Variants in DYNAP observed in about 807,000 individuals in gnomAD.
DYNAP encodes dynactin-associated protein.
DYNAP carries 7 observed loss-of-function variants against 8.5 expected under a neutral mutation model. The observed-to-expected ratio is 0.82, with a 90% confidence interval of 0.47 to 1.54. DYNAP has a LOEUF of 1.54. Ranked by LOEUF, DYNAP falls within the 40% of genes most tolerant of loss-of-function variation. The pLI is 0.01. For synonymous variants in DYNAP, 77 were observed against 77.9 expected (o/e 0.99, Z 0.06); for missense variants, 256 against 224.3 (o/e 1.14, Z -0.90).
upstream of DYNAP, among the ~76,000 whole-genome samples, chr18:54,588,939 G>A (rs546859430): frequency 6.6e-6 from 1 of 152,168 alleles, no homozygotes; most frequent in South Asian, 2.1e-4. Flanking sequence ...TGGGTTGCAT[G>A]TCAGCATTTT....
upstream of DYNAP, among the ~76,000 whole-genome samples, chr18:54,587,040 T>C (rs1006608349): frequency 2.0e-5 from 3 of 152,312 alleles, no homozygotes; most frequent in African/African-American, 7.2e-5. Context: ...AGGAAAAATA[T>C]GTTTTGATGG....
intron 2 of DYNAP, among the ~76,000 whole-genome samples, chr18:54,596,771 A>G (rs916267883): frequency 2.0e-5 from 3 of 152,020 alleles, no homozygotes; most frequent in Non-Finnish European, 2.9e-5. Flanking sequence ...AGATGTACAC[A>G]AGCCTTTTTG....
chr18:54,576,644 TA>T, the DYNAP span, among the ~76,000 whole-genome samples: 3 of 149,832 alleles, frequency 2.0e-5, no homozygotes, highest in African/African-American at 4.9e-5. Flanking sequence ...ACAAAAACAA[TA>T]AAAAAAAATG....
chr18:54,591,992 G>A lies in DYNAP; in HGVS notation c.57+653G>A, dbSNP rs1238919835. Among the ~76,000 whole-genome samples, 2 of 152,134 alleles carry A rather than the reference G, an allele frequency of 1.3e-5. 1 individual carries two copies. Among genetic ancestry groups the A allele is most frequent in the East Asian group, 3.8e-4 (2 of 5,200 alleles). Reference sequence around the variant, plus strand: ...AGGACATGTAATGAGAATTAAAATAGTGAGTTAAAATTCACTGCCAGCAGA... The same window carrying A: ...AGGACATGTAATGAGAATTAAAATAATGAGTTAAAATTCACTGCCAGCAGA... On this transcript the variant is annotated intron_variant, in intron 1 of 2. Coordinates refer to ENST00000648945, the MANE Select transcript of DYNAP (RefSeq NM_173629.3).
chr18:54,577,380 A>C, the DYNAP span, among the ~76,000 whole-genome samples: 1 of 152,076 alleles, frequency 6.6e-6, no homozygotes, highest in Non-Finnish European at 1.5e-5. Context: ...TGAGCCCAGG[A>C]GTTTGAGACT....
At chr18:54,586,880 T>C (rs1910899774), upstream of DYNAP, among the ~76,000 whole-genome samples, 5 of 152,320 alleles carry the variant, frequency 3.3e-5, no homozygotes, top group South Asian at 1.0e-3. Flanking sequence ...AATACTATGG[T>C]AAAATCAAAT....
the DYNAP span, among the ~76,000 whole-genome samples, chr18:54,576,073 C>T: frequency 6.6e-6 from 1 of 152,124 alleles, no homozygotes; most frequent in Non-Finnish European, 1.5e-5. Flanking sequence ...GTAATAATAG[C>T]TGATTTTTAA....
intron 1 of DYNAP, among the ~76,000 whole-genome samples, chr18:54,594,409 C>T (rs558366468): frequency 6.6e-6 from 1 of 152,206 alleles, no homozygotes; most frequent in Admixed American, 6.6e-5. Context: ...TACTACATTA[C>T]TGTATTAGCA....
upstream of DYNAP, among the ~76,000 whole-genome samples, chr18:54,583,209 C>G (rs916773346): frequency 6.6e-6 from 1 of 152,120 alleles, no homozygotes; most frequent in African/African-American, 2.4e-5. Context: ...TTTCTCTGAC[C>G]TGCTGGGTGG....
At chr18:54,578,830 T>C in the DYNAP span, among the ~76,000 whole-genome samples, 1 of 152,156 alleles carries the variant, frequency 6.6e-6, no homozygotes, top group East Asian at 1.9e-4. Flanking sequence ...ACAAGAGTCT[T>C]GCTTTGTCAT....
At chr18:54,595,778 A>G (rs1034838026) in intron 2 of DYNAP, among the ~76,000 whole-genome samples, 3 of 152,090 alleles carry the variant, frequency 2.0e-5, no homozygotes, top group Non-Finnish European at 2.9e-5. Context: ...TAAATTACCA[A>G]TATGGCTTGG....
rs565691013 is a variant in DYNAP, at chr18:54,595,781, T to C, written c.222+678T>C. 8.5e-5 allele frequency among the ~76,000 whole-genome samples: 13 copies of C among 152,252 alleles called. No individual in the cohort carries two copies. The South Asian group carries it at 2.3e-3, about 27-fold the overall frequency. On this transcript the variant is annotated intron_variant, in intron 2 of 2. Transcript: ENST00000648945. The stretch of plus-strand genomic sequence containing the variant: ...TAACATTGACTATAAATTACCAATA[T>C]GGCTTGGCAGTTTGGTTTGATTCCC...
At chr18:54,577,823 C>T in the DYNAP span, among the ~76,000 whole-genome samples, 4 of 151,278 alleles carry the variant, frequency 2.6e-5, no homozygotes, top group South Asian at 2.1e-4. Flanking sequence ...AAAAATTAGC[C>T]GGGCACGGTG....
At chr18:54,595,735 T>C (rs971584916) in intron 2 of DYNAP, among the ~76,000 whole-genome samples, 1 of 152,098 alleles carries the variant, frequency 6.6e-6, no homozygotes, top group African/African-American at 2.4e-5. Flanking sequence ...TCTTTAAGTC[T>C]TCAGCCCTTG....
chr18:54,581,816 G>A, the DYNAP span, among the ~76,000 whole-genome samples: 1 of 152,104 alleles, frequency 6.6e-6, no homozygotes, highest in Non-Finnish European at 1.5e-5. Flanking sequence ...ATATATTTCA[G>A]TATCTATTAA....
the DYNAP span, among the ~76,000 whole-genome samples, chr18:54,578,230 T>C: frequency 1.3e-5 from 2 of 152,154 alleles, no homozygotes; most frequent in African/African-American, 2.4e-5. Flanking sequence ...TATGGGATGA[T>C]AGCAAGAGCA....
At chr18:54,594,421 A>T (rs1911202730) in intron 1 of DYNAP, among the ~76,000 whole-genome samples, 1 of 152,182 alleles carries the variant, frequency 6.6e-6, no homozygotes, top group Non-Finnish European at 1.5e-5. Flanking sequence ...GTATTAGCAT[A>T]GTATGGCATA....
upstream of DYNAP, among the ~76,000 whole-genome samples, chr18:54,583,927 A>G (rs1051528289): frequency 1.3e-5 from 2 of 152,202 alleles, no homozygotes; most frequent in Non-Finnish European, 2.9e-5. Context: ...GGCAGAAAAA[A>G]GAGTAAACAA....
chr18:54,587,252 A>T (rs1910911456), upstream of DYNAP, among the ~76,000 whole-genome samples: 1 of 152,198 alleles, frequency 6.6e-6, no homozygotes, highest in African/African-American at 2.4e-5. Context: ...GTCTTTAAAA[A>T]ATTGTAAAAT....
Sources: gnomAD v4.1 joint callset for allele counts (sites outside exome capture counted in the v4.1 genomes callset) on GRCh38, gnomAD v4.1.1 for gene constraint, MANE v1.5 for transcripts, NCBI Gene and HGNC (gene_info 2026-07-23, HGNC 2026-07-21) for gene names.